Variants in NYAP2 observed in about 807,000 individuals in gnomAD.
NYAP2 encodes the protein neuronal tyrosine-phosphorylated phosphoinositide-3-kinase adapter 2.
NYAP2 carries 23 observed loss-of-function variants against 50.4 expected under a neutral mutation model. The observed-to-expected ratio is 0.46, with a 90% CI of 0.33 to 0.65. The LOEUF (loss-of-function observed/expected upper bound fraction) is 0.65. Among genes scored for constraint, NYAP2 ranks in the 30% least tolerant of loss-of-function variants. The pLI is 0.02. For missense variants in NYAP2, 885 were observed against 861.0 expected (o/e 1.03, Z -0.35); for synonymous variants, 394 against 365.2 (o/e 1.08, Z -0.90).
At chr2:225,613,980 T>G (rs963764906) in intron 5 of NYAP2, among the ~76,000 whole-genome samples, 17 of 152,216 alleles carry the variant, frequency 1.1e-4, no homozygotes, top group Non-Finnish European at 2.5e-4. Flanking sequence ...TGAACTGTTT[T>G]GTTTTTTTCT....
chr2:225,625,097 T>C (rs1328261070), intron 5 of NYAP2, among the ~76,000 whole-genome samples: 1 of 150,878 alleles, frequency 6.6e-6, no homozygotes, highest in Non-Finnish European at 1.5e-5. Flanking sequence ...ATCATTTCTG[T>C]GATTTTCTAA....
intron 4 of NYAP2, among the ~76,000 whole-genome samples, chr2:225,572,516 A>G (rs975188937): frequency 1.3e-5 from 2 of 152,184 alleles, no homozygotes; most frequent in Non-Finnish European, 2.9e-5. Flanking sequence ...GTGAGAACTC[A>G]TTATCATGAG....
At chr2:225,454,311 G>A (rs1689701464) in intron 3 of NYAP2, among the ~76,000 whole-genome samples, 1 of 152,036 alleles carries the variant, frequency 6.6e-6, no homozygotes, top group South Asian at 2.1e-4. Context: ...AGCCTGGGTG[G>A]CAGAGTAAGA....
intron 3 of NYAP2, among the ~76,000 whole-genome samples, chr2:225,503,325 T>C (rs6705224): frequency 0.32 from 47,961 of 152,106 alleles, 7,716 homozygotes; most frequent in South Asian, 0.48. Flanking sequence ...ATTTTCCATA[T>C]ACCCTCTCTT....
At position 225,457,478 on chromosome 2, in the gene NYAP2, A is replaced by G. The variant is rs1054424285; in HGVS notation, c.221+48377A>G. Among the ~76,000 whole-genome samples the G allele has an allele frequency of 3.9e-4, 60 of 152,200 alleles. 1 individual carries two copies. The highest frequency in any genetic ancestry group is 7.3e-5 in the Non-Finnish European group (5 of 68,040). ...TTTTCATGAGTCAAATAAAGGAACA[A>G]AAAGTCTAACACTAGACAGCAGACA... On this transcript the variant is annotated intron_variant, in intron 3 of 6. Transcript: ENST00000636099.
At chr2:225,400,186 T>A (rs1694837309) in exon 1 of NYAP2, 1 of 152,098 alleles carries the variant, frequency 6.6e-6, no homozygotes, top group Non-Finnish European at 1.5e-5. Flanking sequence ...GCTAGAACGC[T>A]GGCAGCCTTG....
intron 3 of NYAP2, among the ~76,000 whole-genome samples, chr2:225,449,519 CT>C (rs1689614339): frequency 6.6e-6 from 1 of 150,562 alleles, no homozygotes; most frequent in East Asian, 2.0e-4. Context: ...TGGATTGATT[CT>C]TTTCAAACTA....
intron 4 of NYAP2, among the ~76,000 whole-genome samples, chr2:225,573,406 C>T (rs1207806436): frequency 1.3e-5 from 2 of 151,988 alleles, no homozygotes; most frequent in African/African-American, 4.8e-5. Flanking sequence ...TGCCTGCCAC[C>T]ACGCTGGGCT....
intron 6 of NYAP2, among the ~76,000 whole-genome samples, chr2:225,647,765 A>G (rs923903435): frequency 3.9e-5 from 6 of 152,176 alleles, no homozygotes; most frequent in African/African-American, 1.4e-4. Flanking sequence ...TATCTAAGTG[A>G]TAAGGCAGTT....
chr2:225,565,029 C>T (rs1364582498), intron 4 of NYAP2, among the ~76,000 whole-genome samples: 2 of 151,808 alleles, frequency 1.3e-5, no homozygotes, highest in Non-Finnish European at 2.9e-5. Flanking sequence ...ACTTGGGAGG[C>T]TGAGGCAGGA....
rs999022661 is a variant in NYAP2, at chr2:225,622,117, G to A, written c.1619-4800G>A. On this transcript the variant is annotated intron_variant, in intron 5 of 6. Transcript: ENST00000636099. Reference sequence around the variant, plus strand: ...CACAATCTCAGCTCACTGCAGCCTCGACCTCCCAAGGCTCAAACAATCCTC... The same window carrying A: ...CACAATCTCAGCTCACTGCAGCCTCAACCTCCCAAGGCTCAAACAATCCTC... 1.2e-4 allele frequency among the ~76,000 whole-genome samples: 18 copies of A among 152,088 alleles called. No homozygotes were observed. In the South Asian group the frequency reaches 2.9e-3, roughly 25 times the overall value.
At chr2:225,617,446 A>G (rs935673388) in intron 5 of NYAP2, among the ~76,000 whole-genome samples, 2 of 152,254 alleles carry the variant, frequency 1.3e-5, no homozygotes, top group East Asian at 3.9e-4. Flanking sequence ...AAAAAATAAA[A>G]AAAAAACAGC....
At chr2:225,609,770 T>C (rs546223088) in intron 5 of NYAP2, among the ~76,000 whole-genome samples, 2 of 152,162 alleles carry the variant, frequency 1.3e-5, no homozygotes, top group South Asian at 2.1e-4. Flanking sequence ...CTCAATGATA[T>C]TAAAGTGTTA....
intron 3 of NYAP2, among the ~76,000 whole-genome samples, chr2:225,441,032 A>G (rs1389277030): frequency 6.6e-6 from 1 of 152,136 alleles, no homozygotes; most frequent in Non-Finnish European, 1.5e-5. Flanking sequence ...TTACCATCTA[A>G]CCATAACTCT....
chr2:225,638,328 G>A (rs1361916782), intron 6 of NYAP2, among the ~76,000 whole-genome samples: 1 of 152,040 alleles, frequency 6.6e-6, no homozygotes, highest in Non-Finnish European at 1.5e-5. Flanking sequence ...GAACCATTCA[G>A]AAAAGTTGAT....
At chr2:225,682,863 A>G in the NYAP2 span, among the ~76,000 whole-genome samples, 1 of 152,154 alleles carries the variant, frequency 6.6e-6, no homozygotes, top group Non-Finnish European at 1.5e-5. Flanking sequence ...AGGCAGATGT[A>G]GCTCTAAGTT....
At chr2:225,643,943 C>T (rs1410199211) in intron 6 of NYAP2, among the ~76,000 whole-genome samples, 2 of 110,226 alleles carry the variant, frequency 1.8e-5, no homozygotes, top group African/African-American at 3.5e-5. Flanking sequence ...ATTTATAGTC[C>T]TTTGGGTATA....
intron 4 of NYAP2, among the ~76,000 whole-genome samples, chr2:225,557,142 G>A (rs1691791959): frequency 6.6e-6 from 1 of 152,154 alleles, no homozygotes; most frequent in Non-Finnish European, 1.5e-5. Flanking sequence ...CATGGGAAAT[G>A]TCATCTGGAA....
intron 5 of NYAP2, among the ~76,000 whole-genome samples, chr2:225,595,934 T>C (rs963789419): frequency 2.6e-5 from 4 of 152,208 alleles, no homozygotes; most frequent in African/African-American, 9.7e-5. Context: ...GCTTCCTAAT[T>C]GGGCTCTGGT....
Sources: gnomAD v4.1 joint callset for allele counts (sites outside exome capture counted in the v4.1 genomes callset) on GRCh38, gnomAD v4.1.1 for gene constraint, MANE v1.5 for transcripts, NCBI Gene and HGNC (gene_info 2026-07-23, HGNC 2026-07-21) for gene names.